MCTP1: variants seen among roughly 807,000 people sequenced by gnomAD.
MCTP1 encodes multiple C2 and transmembrane domain containing 1, also known as multiple C2 and transmembrane domain-containing protein 1.
In MCTP1, 69 loss-of-function variants were observed where a neutral mutation model predicts 120.6. The observed-to-expected ratio is 0.57, with a 90% CI of 0.47 to 0.70. MCTP1 has a LOEUF of 0.70. Among genes scored for constraint, MCTP1 ranks in the 30% least tolerant of loss-of-function variants. The pLI is 0.00. For synonymous variants in MCTP1, 529 were observed against 493.1 expected, an observed-to-expected ratio of 1.07 and a Z score of -0.96; for missense variants, 1,203 against 1,248.8, an observed-to-expected ratio of 0.96 and a Z score of 0.55.
intron 1 of MCTP1, among the ~76,000 whole-genome samples, chr5:95,181,952 A>G (rs1748645772): frequency 6.6e-6 from 1 of 152,232 alleles, no homozygotes; most frequent in African/African-American, 2.4e-5. Flanking sequence ...AACCCATAGG[A>G]TGTTTTATGA....
intron 1 of MCTP1, among the ~76,000 whole-genome samples, chr5:95,211,308 A>G (rs1354086537): frequency 6.6e-6 from 1 of 152,196 alleles, no homozygotes; most frequent in Admixed American, 6.5e-5. Flanking sequence ...ACTTTCAGGT[A>G]CACCAATCAG....
chr5:94,770,036 T>G (rs1012284440), intron 19 of MCTP1, among the ~76,000 whole-genome samples: 15 of 152,212 alleles, frequency 9.9e-5, no homozygotes, highest in African/African-American at 3.4e-4. Flanking sequence ...TGAATTTCTT[T>G]TAGAATCTGC....
intron 17 of MCTP1, among the ~76,000 whole-genome samples, chr5:94,805,448 G>A (rs912015025): frequency 8.6e-5 from 13 of 152,012 alleles, no homozygotes; most frequent in East Asian, 7.7e-4. Flanking sequence ...GTAACCTAGC[G>A]AGACCTCGTC....
intron 1 of MCTP1, among the ~76,000 whole-genome samples, chr5:95,030,191 A>T (rs1840020018): frequency 6.6e-6 from 1 of 152,214 alleles, no homozygotes; most frequent in Non-Finnish European, 1.5e-5. Context: ...AGAGAAGCAG[A>T]TCACATACCT....
intron 2 of MCTP1, among the ~76,000 whole-genome samples, chr5:94,963,607 CT>C (rs1824880456): frequency 6.6e-6 from 1 of 151,758 alleles, no homozygotes; most frequent in South Asian, 2.1e-4. Context: ...TGTATGTCCC[CT>C]TTGGAAAAAT....
At chr5:95,091,286 T>C (rs778716928) in intron 1 of MCTP1, among the ~76,000 whole-genome samples, 40 of 152,220 alleles carry the variant, frequency 2.6e-4, no homozygotes, top group Admixed American at 4.6e-4. Flanking sequence ...TTTCCATCCT[T>C]TATAATACTT....
chr5:94,872,058 G>A (rs1210993437), intron 13 of MCTP1, among the ~76,000 whole-genome samples: 1 of 152,098 alleles, frequency 6.6e-6, no homozygotes, highest in African/African-American at 2.4e-5. Context: ...ATAAACGACT[G>A]CGTGAGCTCT....
In MCTP1 at chr5:94,991,062, T is replaced by G. The variant is rs1831464328; in HGVS notation, c.838+26305A>C. ...TCAGAAGCATAGGAGAAAAATTGCC[T>G]CACAATTTTAAATCTATAAATCATC... On this transcript the variant is annotated intron_variant, in intron 2 of 22. Coordinates refer to ENST00000515393, the MANE Select transcript of MCTP1 (RefSeq NM_024717.7). Among the ~76,000 whole-genome samples the G allele has an allele frequency of 2.0e-5, 3 of 152,338 alleles. No homozygotes were observed. In the East Asian group the frequency reaches 5.8e-4, roughly 29 times the overall value.
intron 1 of MCTP1, among the ~76,000 whole-genome samples, chr5:95,033,021 A>G (rs1250372117): frequency 6.6e-6 from 1 of 152,130 alleles, no homozygotes; most frequent in Non-Finnish European, 1.5e-5. Flanking sequence ...TTTCCTGGAA[A>G]CACGCAACCT....
intron 18 of MCTP1, among the ~76,000 whole-genome samples, chr5:94,791,500 T>TACACACACACACACACACACAC (rs1215532713): frequency 2.7e-4 from 41 of 149,176 alleles, no homozygotes; most frequent in African/African-American, 5.4e-4. Flanking sequence ...GTTTCTAAAA[T>TACACACACACACACACACACAC]ACACACACAC....
At chr5:94,730,412 A>C (rs1265963402) in intron 19 of MCTP1, among the ~76,000 whole-genome samples, 1 of 152,180 alleles carries the variant, frequency 6.6e-6, no homozygotes, top group Non-Finnish European at 1.5e-5. Flanking sequence ...TGGCCTCCCA[A>C]GGTGCTGAGA....
rs1787919576 is a variant in MCTP1 at position 94,829,096 on chromosome 5, TGTAGGCACCTGAG to T, written c.2437-29977_2437-29965del. 3.3e-5 allele frequency among the ~76,000 whole-genome samples: 5 copies of T among 152,160 alleles called. No homozygotes were observed. The South Asian group carries it at 6.2e-4, about 19-fold the overall frequency. ...TGCTTGAAACCCAGGGCCCTGGCGGTGTAGGCACCTGAGGGAACCTCCTGATCTGTGGGTTGTG... is the reference window on the plus strand; with the variant it reads ...TGCTTGAAACCCAGGGCCCTGGCGGTGGAACCTCCTGATCTGTGGGTTGTG... On this transcript the variant is annotated intron_variant, in intron 17 of 22. Transcript: ENST00000515393.
Position 95,091,965 on chromosome 5 carries a change from G to C in MCTP1, c.721-74481C>G, listed in dbSNP as rs545439047. The stretch of plus-strand genomic sequence containing the variant: ...TATGAGAAGAAGTTGGTAGAAATTA[G>C]TTAAAGGCTTCAAGAAGCTGTCAGC... On this transcript the variant is annotated intron_variant, in intron 1 of 22. Transcript: ENST00000515393. Among the ~76,000 whole-genome samples the C allele has an allele frequency of 7.9e-4, 120 of 152,288 alleles. 2 individuals are homozygous for C. The highest frequency in any genetic ancestry group is 2.8e-3 in the African/African-American group (115 of 41,552).
At chr5:94,988,293 C>G (rs983751712) in intron 2 of MCTP1, among the ~76,000 whole-genome samples, 1 of 130,990 alleles carries the variant, frequency 7.6e-6, no homozygotes, top group Non-Finnish European at 1.6e-5. Context: ...AATACCTTTA[C>G]GTTAACAGAT....
At chr5:94,819,368 T>A (rs1785168738) in intron 17 of MCTP1, among the ~76,000 whole-genome samples, 2 of 152,060 alleles carry the variant, frequency 1.3e-5, no homozygotes, top group Non-Finnish European at 2.9e-5. Context: ...TGACCTCAGG[T>A]GATCCGATTG....
At chr5:95,049,359 G>A (rs17339892) in intron 1 of MCTP1, among the ~76,000 whole-genome samples, 31,841 of 152,022 alleles carry the variant, frequency 0.21, 4,044 homozygotes, top group Admixed American at 0.29. Context: ...ACCGCCCACC[G>A]TTAAGAGCAA....
chr5:94,902,423 A>T (rs1805773042), intron 10 of MCTP1, among the ~76,000 whole-genome samples: 1 of 152,170 alleles, frequency 6.6e-6, no homozygotes, highest in Admixed American at 6.5e-5. Flanking sequence ...TAAAGTACTA[A>T]CTAATGAGAT....
chr5:94,899,965 G>T (rs1805074818), intron 10 of MCTP1, among the ~76,000 whole-genome samples: 1 of 152,046 alleles, frequency 6.6e-6, no homozygotes, highest in Non-Finnish European at 1.5e-5. Flanking sequence ...AAAAACCATT[G>T]CTACAGTCCA....
chr5:94,988,281 A>G (rs997596230), intron 2 of MCTP1, among the ~76,000 whole-genome samples: 13 of 149,312 alleles, frequency 8.7e-5, no homozygotes, highest in African/African-American at 2.9e-4. Flanking sequence ...ATGTCTTTAA[A>G]GAATACCTTT....
Sources: allele counts gnomAD v4.1 joint callset (sites outside exome capture counted in the v4.1 genomes callset), GRCh38; gene constraint gnomAD v4.1.1; transcripts MANE v1.5; gene names NCBI Gene and HGNC (gene_info 2026-07-23, HGNC 2026-07-21).